Variants in NEBL observed in about 807,000 individuals in gnomAD.
NEBL encodes LIM and SH3 protein 2.
NEBL carries 122 observed loss-of-function variants against 140.2 expected under a neutral mutation model. That is an observed-to-expected ratio of 0.87 (90% CI 0.75 to 1.01). The LOEUF (loss-of-function observed/expected upper bound fraction) is 1.01. Ranked by LOEUF, NEBL falls within the 50% of genes least tolerant of loss-of-function variation. The pLI, the probability that NEBL is intolerant of heterozygous loss-of-function variation, is 0.00. For missense variants in NEBL, 1,365 were observed against 1,231.3 expected (o/e 1.11, Z -1.62); for synonymous variants, 436 against 398.9 (o/e 1.09, Z -1.11).
At chr10:21,024,659 AC>A (rs113584021) in intron 2 of NEBL, among the ~76,000 whole-genome samples, 1,874 of 152,274 alleles carry the variant, frequency 0.012, 28 homozygotes, top group African/African-American at 0.043. Flanking sequence ...ATCTGTAGGA[AC>A]CTAATTAATT....
chr10:20,958,009 G>C (rs1835884866), intron 4 of NEBL, among the ~76,000 whole-genome samples: 1 of 152,170 alleles, frequency 6.6e-6, no homozygotes, highest in Non-Finnish European at 1.5e-5. Context: ...GCTAGCCTGA[G>C]TCCCTTGAAT....
At chr10:20,971,540 C>A (rs1191075290) in intron 3 of NEBL, among the ~76,000 whole-genome samples, 3 of 150,156 alleles carry the variant, frequency 2.0e-5, no homozygotes, top group African/African-American at 7.3e-5. Flanking sequence ...TGGTGCGCTG[C>A]ACCCACTAAC....
At chr10:21,078,354 A>G (rs1162774449) in intron 2 of NEBL, among the ~76,000 whole-genome samples, 3 of 152,382 alleles carry the variant, frequency 2.0e-5, no homozygotes, top group South Asian at 2.1e-4. Context: ...AATTATTACA[A>G]CGAACACTTT....
chr10:21,120,939 G>A (rs1838543772), intron 2 of NEBL, among the ~76,000 whole-genome samples: 1 of 152,098 alleles, frequency 6.6e-6, no homozygotes, highest in Non-Finnish European at 1.5e-5. Flanking sequence ...TTTGTCCCAA[G>A]ATGATGATGG....
chr10:21,134,867 C>T lies in NEBL; in HGVS notation c.164+37516G>A, dbSNP rs574875427. Among the ~76,000 whole-genome samples the T allele has an allele frequency of 9.2e-5, 14 of 152,284 alleles. No homozygotes were observed. The Middle Eastern group carries it at 0.01, about 111-fold the overall frequency. ...AAGGTACGCTACTCTGCAATGCTGC[C>T]GTGCTTAAAACAGTTTTCAGAATTT... is the stretch of plus-strand genomic sequence containing the variant. On this transcript the variant is annotated intron_variant, in intron 2 of 6. Coordinates refer to the NEBL transcript ENST00000417816.
At chr10:21,179,782 T>C (rs558900235), upstream of NEBL, among the ~76,000 whole-genome samples, 8 of 150,654 alleles carry the variant, frequency 5.3e-5, 1 homozygote, top group South Asian at 1.7e-3. Context: ...CTGCTGGCCT[T>C]GAAGACGGAG....
intron 2 of NEBL, among the ~76,000 whole-genome samples, chr10:21,119,243 C>T (rs1020148690): frequency 6.6e-6 from 1 of 152,080 alleles, no homozygotes; most frequent in East Asian, 1.9e-4. Context: ...ATCTCTAACA[C>T]AAAGTTCTTT....
intron 2 of NEBL, among the ~76,000 whole-genome samples, chr10:21,127,346 A>T (rs138521414): frequency 7.9e-4 from 120 of 152,348 alleles, no homozygotes; most frequent in African/African-American, 2.9e-3. Context: ...GGAATTAAAA[A>T]ATTTCCAGTT....
At chr10:21,148,431 T>C (rs1300343778) in intron 2 of NEBL, among the ~76,000 whole-genome samples, 1 of 152,200 alleles carries the variant, frequency 6.6e-6, no homozygotes. Flanking sequence ...AGCCCTGTGG[T>C]AGAATGTTGG....
At chr10:20,869,997 A>T (rs1301523033) in intron 5 of NEBL, among the ~76,000 whole-genome samples, 156 bp from the exon 6 acceptor site, 1 of 152,114 alleles carries the variant, frequency 6.6e-6, no homozygotes, top group Non-Finnish European at 1.5e-5. Context: ...GTATAGCTAT[A>T]TTAACTCTTT....
intron 26 of NEBL, among the ~76,000 whole-genome samples, chr10:20,791,162 A>G (rs1017354579): frequency 3.3e-5 from 5 of 152,196 alleles, no homozygotes; most frequent in African/African-American, 9.7e-5. Flanking sequence ...AGATTTATTG[A>G]CCAAAGATCT....
intron 3 of NEBL, among the ~76,000 whole-genome samples, chr10:20,998,914 C>T (rs761298671): frequency 2.6e-5 from 4 of 151,994 alleles, no homozygotes; most frequent in Admixed American, 2.0e-4. Flanking sequence ...AAGGTCACAC[C>T]GCAGCAAGTT....
chr10:21,093,740 G>A (rs918388565), intron 2 of NEBL, among the ~76,000 whole-genome samples: 51 of 152,302 alleles, frequency 3.3e-4, no homozygotes, highest in African/African-American at 1.2e-3. Context: ...ACTGGAAGAG[G>A]AGAACAATAT....
intron 2 of NEBL, among the ~76,000 whole-genome samples, chr10:21,060,406 G>T (rs545374308): frequency 6.6e-6 from 1 of 152,286 alleles, no homozygotes; most frequent in African/African-American, 2.4e-5. Context: ...TACCTGGAAT[G>T]GTGGTTCTCA....
At chr10:21,261,337 G>T (rs7917826) in intron 1 of NEBL, among the ~76,000 whole-genome samples, 76,687 of 151,964 alleles carry the variant, frequency 0.5, 21,363 homozygotes, top group African/African-American at 0.74. Flanking sequence ...CATGATGGAA[G>T]TTTTTCATCC....
At chr10:21,075,805 C>G (rs1836043499) in intron 2 of NEBL, among the ~76,000 whole-genome samples, 1 of 152,030 alleles carries the variant, frequency 6.6e-6, no homozygotes, top group South Asian at 2.1e-4. Flanking sequence ...GATTGGTATC[C>G]AGAATATAAA....
intron 3 of NEBL, among the ~76,000 whole-genome samples, chr10:21,182,566 A>C (rs947825709): frequency 6.6e-6 from 1 of 152,200 alleles, no homozygotes; most frequent in Non-Finnish European, 1.5e-5. Flanking sequence ...CCAAGAAGTA[A>C]AAGTAAATAA....
At chr10:20,927,833 G>A (rs1021172699) in intron 4 of NEBL, among the ~76,000 whole-genome samples, 3 of 151,986 alleles carry the variant, frequency 2.0e-5, no homozygotes, top group Non-Finnish European at 2.9e-5. Context: ...TCTGCTTCTC[G>A]TGGTAAGATA....
intron 2 of NEBL, among the ~76,000 whole-genome samples, chr10:21,087,051 C>T (rs1010217521): frequency 5.9e-5 from 9 of 152,120 alleles, no homozygotes; most frequent in Non-Finnish European, 1.3e-4. Context: ...CAAGAATTTG[C>T]CTCTCTCTCT....
Sources: gnomAD v4.1 joint callset for allele counts (sites outside exome capture counted in the v4.1 genomes callset) on GRCh38, gnomAD v4.1.1 for gene constraint, MANE v1.5 for transcripts, NCBI Gene and HGNC (gene_info 2026-07-23, HGNC 2026-07-21) for gene names.